The following SPATA31H1 variants were observed in gnomAD, a reference collection of about 807,000 sequenced individuals.
SPATA31H1 encodes SPATA31 subfamily H member 1, also known as spermatogenesis-associated protein 31H1.
At chr2:27,559,765 A>C in the SPATA31H1 span, among the ~76,000 whole-genome samples, 16 of 151,996 alleles carry the variant, frequency 1.1e-4, no homozygotes, top group African/African-American at 3.9e-4. Flanking sequence ...CATTCTTATT[A>C]ATTTCTGGAA....
the SPATA31H1 span, chr2:27,578,900 G>C: frequency 6.2e-7 from 1 of 1,614,168 alleles, no homozygotes; most frequent in Admixed American, 1.7e-5. Context: ...ATATTTTGCA[G>C]CCTGAAGAGA....
At chr2:27,565,937 G>T in the SPATA31H1 span, 1 of 696,328 alleles carries the variant, frequency 1.4e-6, no homozygotes, top group Non-Finnish European at 2.7e-6. Flanking sequence ...ATGATCTTGG[G>T]TATAACTTCA....
chr2:27,538,201 G>A, the SPATA31H1 span, among the ~76,000 whole-genome samples: 1 of 151,972 alleles, frequency 6.6e-6, no homozygotes, highest in Non-Finnish European at 1.5e-5. Flanking sequence ...ACTCTGTGCA[G>A]TTTGAAAGAC....
chr2:27,563,396 T>TC, the SPATA31H1 span, among the ~76,000 whole-genome samples: 4 of 126,628 alleles, frequency 3.2e-5, no homozygotes, highest in Non-Finnish European at 6.5e-5. Context: ...TTTTTTTTTT[T>TC]TTTTTTTTTT....
chr2:27,553,137 A>C, the SPATA31H1 span, among the ~76,000 whole-genome samples: 3 of 152,074 alleles, frequency 2.0e-5, no homozygotes, highest in African/African-American at 7.3e-5. Context: ...GGCCCTGCCC[A>C]CACAGCTTTG....
At chr2:27,551,669 C>A in the SPATA31H1 span, among the ~76,000 whole-genome samples, 1 of 152,014 alleles carries the variant, frequency 6.6e-6, no homozygotes, top group Non-Finnish European at 1.5e-5. Context: ...AGAATACCTT[C>A]CTCTTCAGGA....
chr2:27,568,194 C>T, the SPATA31H1 span: 6 of 398,820 alleles, frequency 1.5e-5, no homozygotes, highest in Non-Finnish European at 2.2e-5. Context: ...TCCAACACCA[C>T]GATATCAAGT....
chr2:27,558,788 G>T, the SPATA31H1 span, among the ~76,000 whole-genome samples: 1 of 106,962 alleles, frequency 9.3e-6, no homozygotes, highest in South Asian at 3.8e-4. Context: ...GCAATCGCAG[G>T]CACTCGGCAG....
the SPATA31H1 span, chr2:27,567,312 T>G: frequency 1.3e-5 from 7 of 555,184 alleles, no homozygotes; most frequent in Non-Finnish European, 2.2e-5. Flanking sequence ...GGTTTTTGCT[T>G]TGCGGCAACA....
the SPATA31H1 span, chr2:27,574,909 C>T: frequency 1.5e-4 from 58 of 398,418 alleles, no homozygotes; most frequent in Admixed American, 4.0e-4. Context: ...GTGATCCCAG[C>T]GACAAAGCTT....
chr2:27,544,864 A>T, the SPATA31H1 span, among the ~76,000 whole-genome samples: 5 of 151,838 alleles, frequency 3.3e-5, no homozygotes, highest in African/African-American at 1.2e-4. Flanking sequence ...AACAAATTTT[A>T]AAGTGACATT....
At chr2:27,577,539 T>C in the SPATA31H1 span, 4 of 1,614,036 alleles carry the variant, frequency 2.5e-6, no homozygotes, top group African/African-American at 5.3e-5. The surrounding 1 kb of genome is among the most constrained non-coding windows in gnomAD (Gnocchi z 4.5). Context: ...GGAGGTGATC[T>C]CTGAGAAAAG....
At chr2:27,581,519 C>A in the SPATA31H1 span, 1 of 1,609,212 alleles carries the variant, frequency 6.2e-7, no homozygotes, top group Non-Finnish European at 8.5e-7. Context: ...ATCACAGTCC[C>A]TCAGAGAGAA....
At chr2:27,555,289 C>CA in the SPATA31H1 span, among the ~76,000 whole-genome samples, 1 of 151,842 alleles carries the variant, frequency 6.6e-6, no homozygotes, top group African/African-American at 2.4e-5. Context: ...CTAGGCAGAC[C>CA]AATTAGGCAT....
the SPATA31H1 span, among the ~76,000 whole-genome samples, chr2:27,538,022 G>C: frequency 6.6e-6 from 1 of 152,078 alleles, no homozygotes; most frequent in Non-Finnish European, 1.5e-5. Context: ...GAATACATTG[G>C]AAAAAAGATG....
the SPATA31H1 span, chr2:27,566,309 GCT>G: frequency 1.4e-6 from 1 of 717,378 alleles, no homozygotes; most frequent in Non-Finnish European, 2.6e-6. Context: ...CTCCCTGTGG[GCT>G]GGACCCAGGA....
At chr2:27,578,232 C>T in the SPATA31H1 span, 6 of 1,614,028 alleles carry the variant, frequency 3.7e-6, no homozygotes, top group Non-Finnish European at 3.4e-6. Context: ...ACCTTCAGAG[C>T]ACCACACAGG....
the SPATA31H1 span, chr2:27,573,634 C>T: frequency 5.0e-6 from 2 of 398,374 alleles, no homozygotes; most frequent in Non-Finnish European, 8.9e-6. Context: ...GATATAAAAT[C>T]TATGGCATTC....
chr2:27,541,820 C>T, the SPATA31H1 span, among the ~76,000 whole-genome samples: 2 of 152,140 alleles, frequency 1.3e-5, no homozygotes, highest in East Asian at 1.9e-4. Flanking sequence ...CTCTGTCACC[C>T]AGGCTGGAGT....
Sources: allele counts gnomAD v4.1 joint callset (sites outside exome capture counted in the v4.1 genomes callset), GRCh38; gene constraint gnomAD v4.1.1; non-coding constraint Gnocchi (gnomAD v3.1); transcripts MANE v1.5; gene names NCBI Gene and HGNC (gene_info 2026-07-23, HGNC 2026-07-21).